Variants in KCNH5 observed in about 807,000 individuals in gnomAD.
KCNH5 encodes the protein potassium voltage-gated channel subfamily H member 5.
KCNH5 carries 46 observed loss-of-function variants against 96.1 expected under a neutral mutation model. That is an observed-to-expected ratio of 0.48 (90% CI 0.38 to 0.61). The LOEUF (loss-of-function observed/expected upper bound fraction) is 0.61, where lower values mean the gene tolerates loss of function less well. Among genes scored for constraint, KCNH5 ranks in the 20% least tolerant of loss-of-function variants. The pLI is 0.00. For synonymous variants in KCNH5, 439 were observed against 449.8 expected (o/e 0.98, Z 0.30); for missense variants, 907 against 1,225.8 (o/e 0.74, Z 3.88).
chr14:62,784,296 C>T (rs955716127), intron 9 of KCNH5, among the ~76,000 whole-genome samples: 1 of 152,168 alleles, frequency 6.6e-6, no homozygotes, highest in Non-Finnish European at 1.5e-5. Context: ...TTATTTCCAC[C>T]TGGCTCTGCC....
At chr14:63,014,771 G>T (rs920723985) in intron 2 of KCNH5, among the ~76,000 whole-genome samples, 1 of 152,096 alleles carries the variant, frequency 6.6e-6, no homozygotes, top group Admixed American at 6.6e-5. Flanking sequence ...AACCTGTCTT[G>T]CTTAGGGAAG....
chr14:63,009,181 T>C (rs538268165), intron 2 of KCNH5, among the ~76,000 whole-genome samples: 1 of 152,082 alleles, frequency 6.6e-6, no homozygotes, highest in East Asian at 1.9e-4. Context: ...GGATAAAAAT[T>C]ATCAAAAATT....
chr14:62,791,361 G>GA (rs1164381738), intron 9 of KCNH5, among the ~76,000 whole-genome samples: 21 of 150,424 alleles, frequency 1.4e-4, no homozygotes, highest in African/African-American at 3.2e-4. Context: ...TCACAAGAAG[G>GA]AAAAAAAAGG....
chr14:63,022,631 T>G (rs1434653596), intron 1 of KCNH5, among the ~76,000 whole-genome samples: 1 of 152,086 alleles, frequency 6.6e-6, no homozygotes, highest in Non-Finnish European at 1.5e-5. Context: ...TCGCCTACAA[T>G]AGCCTCATTG....
At chr14:62,746,785 T>C (rs1023007517) in intron 10 of KCNH5, among the ~76,000 whole-genome samples, 1 of 152,250 alleles carries the variant, frequency 6.6e-6, no homozygotes, top group African/African-American at 2.4e-5. Context: ...TAAAAAGGTA[T>C]CAGTTCACCT....
At chr14:62,860,204 T>C (rs1380051595) in intron 7 of KCNH5, among the ~76,000 whole-genome samples, 1 of 152,172 alleles carries the variant, frequency 6.6e-6, no homozygotes, top group Non-Finnish European at 1.5e-5. Flanking sequence ...AGTAGTTATC[T>C]GCAGAAGACG....
At chr14:62,798,496 T>A (rs1004474398) in intron 9 of KCNH5, among the ~76,000 whole-genome samples, 5 of 152,168 alleles carry the variant, frequency 3.3e-5, no homozygotes, top group Non-Finnish European at 5.9e-5. Flanking sequence ...CATTAAAGAA[T>A]ATAAAATATT....
intron 8 of KCNH5, among the ~76,000 whole-genome samples, chr14:62,825,525 A>G (rs1044812113): frequency 2.0e-5 from 3 of 152,112 alleles, no homozygotes; most frequent in Non-Finnish European, 2.9e-5. Flanking sequence ...GAGAAAGGTG[A>G]CTTCATCAAG....
rs905032255 is a variant in KCNH5, at chr14:62,705,756, G to A, written c.*1752C>T. ...TTCTCAAGTCTGAATGTGATAACAT[G>A]TCTTTCAGTTCTAGTGGCTTTGGTT... On this transcript the variant is annotated 3_prime_UTR_variant, in exon 11 of 11. Coordinates refer to ENST00000322893, the MANE Select transcript of KCNH5 (RefSeq NM_139318.5). 2 of 152,054 alleles carry A rather than the reference G, an allele frequency of 1.3e-5. No individual in the cohort carries two copies. Among genetic ancestry groups the A allele is most frequent in the African/African-American group, 4.8e-5 (2 of 41,442 alleles). 9.4% of individuals were successfully genotyped at this position (152,054 alleles called of 1,614,324 possible). A position where few individuals can be genotyped will look rare whatever the true frequency, so the allele number is the denominator to read the frequency against.
chr14:62,857,704 G>A (rs1017745437), intron 7 of KCNH5, among the ~76,000 whole-genome samples: 6 of 152,100 alleles, frequency 3.9e-5, no homozygotes, highest in African/African-American at 1.4e-4. Context: ...AGCTGCACTG[G>A]CAGCTGATTA....
intron 7 of KCNH5, among the ~76,000 whole-genome samples, chr14:62,912,430 G>T (rs2140101827): frequency 6.6e-6 from 1 of 150,540 alleles, no homozygotes; most frequent in South Asian, 2.1e-4. Flanking sequence ...TTTTTAGACG[G>T]AGTTTCGCTT....
At chr14:62,843,357 T>G (rs2140039188) in intron 8 of KCNH5, among the ~76,000 whole-genome samples, 1 of 152,096 alleles carries the variant, frequency 6.6e-6, no homozygotes, top group Non-Finnish European at 1.5e-5. Context: ...TTAGTGCATC[T>G]TAAGACCAAT....
intron 7 of KCNH5, among the ~76,000 whole-genome samples, chr14:62,864,939 C>T (rs886156035): frequency 6.6e-6 from 1 of 152,144 alleles, no homozygotes; most frequent in African/African-American, 2.4e-5. Flanking sequence ...GCTGTTGCCA[C>T]AATCCCAGGA....
At chr14:62,776,712 G>C (rs934638219) in intron 10 of KCNH5, among the ~76,000 whole-genome samples, 3 of 152,164 alleles carry the variant, frequency 2.0e-5, no homozygotes, top group Non-Finnish European at 4.4e-5. Context: ...TCAATTCGTA[G>C]AATTTGATGG....
intron 10 of KCNH5, among the ~76,000 whole-genome samples, chr14:62,741,412 C>G (rs1224522580): frequency 6.6e-6 from 1 of 152,054 alleles, no homozygotes. Flanking sequence ...ACCTGCACAC[C>G]TAGTAGCACA....
chr14:62,964,439 T>C (rs1362285368), intron 6 of KCNH5, among the ~76,000 whole-genome samples: 1 of 152,044 alleles, frequency 6.6e-6, no homozygotes, highest in Non-Finnish European at 1.5e-5. Flanking sequence ...ATTATTTTTA[T>C]TTGTAGAGCA....
chr14:62,973,843 C>A, intron 6 of KCNH5, among the ~76,000 whole-genome samples: 1 of 152,120 alleles, frequency 6.6e-6, no homozygotes, highest in East Asian at 1.9e-4. Flanking sequence ...ATAACAATTT[C>A]TAACATGTTA....
chr14:62,781,205 T>C (rs559335168), intron 9 of KCNH5, among the ~76,000 whole-genome samples: 2 of 152,118 alleles, frequency 1.3e-5, no homozygotes, highest in African/African-American at 4.8e-5. Context: ...AACCAGCAAG[T>C]TTTTATTAGG....
intron 7 of KCNH5, among the ~76,000 whole-genome samples, chr14:62,925,127 A>G (rs1889449177): frequency 6.6e-6 from 1 of 151,910 alleles, no homozygotes; most frequent in African/African-American, 2.4e-5. Context: ...AAATAAACAA[A>G]CAAGAAATTG....
Sources: allele counts gnomAD v4.1 joint callset (sites outside exome capture counted in the v4.1 genomes callset), GRCh38; gene constraint gnomAD v4.1.1; transcripts MANE v1.5; gene names NCBI Gene and HGNC (gene_info 2026-07-23, HGNC 2026-07-21).